Variants in METTL21A observed in about 807,000 individuals in gnomAD.
The protein encoded by METTL21A is methyltransferase 21A, HSPA lysine, also known as protein N-lysine methyltransferase METTL21A.
In METTL21A, 22 loss-of-function variants were observed where a neutral mutation model predicts 20.9. The ratio of observed to expected loss-of-function variants is 1.05; its 90% CI spans 0.75 to 1.50. METTL21A has a LOEUF of 1.50. METTL21A is among the 40% of genes most tolerant of loss of function. METTL21A has a pLI of 0.00. For missense variants in METTL21A, 271 were observed against 266.8 expected (o/e 1.02, Z -0.11); for synonymous variants, 93 against 102.0 (o/e 0.91, Z 0.53).
intron 3 of METTL21A, chr2:207,597,739 A>G (rs1053785544): frequency 1.8e-4 from 37 of 204,414 alleles, no homozygotes; most frequent in African/African-American, 8.5e-4. Context: ...TTCTTAATTC[A>G]GTTCTGTATG....
chr2:207,586,895 AG>A (rs1395089785), intron 3 of METTL21A, among the ~76,000 whole-genome samples: 3 of 152,352 alleles, frequency 2.0e-5, no homozygotes, highest in Non-Finnish European at 2.9e-5. Context: ...CAAACTGATG[AG>A]GATGCAGAGA....
At chr2:207,585,988 A>G (rs2083752908) in intron 3 of METTL21A, among the ~76,000 whole-genome samples, 2 of 152,188 alleles carry the variant, frequency 1.3e-5, no homozygotes, top group Admixed American at 6.5e-5. Context: ...ATGTCTTGAG[A>G]GAGAGATATA....
At chr2:207,624,385 A>G in exon 2 of METTL21A, 1 of 1,611,412 alleles carries the variant, frequency 6.2e-7, no homozygotes, top group Non-Finnish European at 8.5e-7. Flanking sequence ...TTCCGCCTGC[A>G]CCCCGCCCTC....
chr2:207,585,507 C>T (rs549806111), intron 3 of METTL21A, among the ~76,000 whole-genome samples: 1 of 152,180 alleles, frequency 6.6e-6, no homozygotes, highest in South Asian at 2.1e-4. Flanking sequence ...GATAAGGACA[C>T]AAGAAACATA....
At chr2:207,606,608 C>T (rs2088150888), downstream of METTL21A, among the ~76,000 whole-genome samples, 1 of 152,198 alleles carries the variant, frequency 6.6e-6, no homozygotes, top group Non-Finnish European at 1.5e-5. Context: ...ACTCACTGTA[C>T]TTACCAATTC....
chr2:207,614,862 C>T (rs911567390), intron 3 of METTL21A, among the ~76,000 whole-genome samples: 4 of 152,192 alleles, frequency 2.6e-5, no homozygotes, highest in Admixed American at 6.5e-5. Context: ...AATTATGTTT[C>T]AATCTTTCAT....
intron 3 of METTL21A, chr2:207,600,835 A>T (rs1466289250): frequency 4.8e-6 from 1 of 206,836 alleles, no homozygotes; most frequent in African/African-American, 2.3e-5. Flanking sequence ...TTTTGGGGTG[A>T]CATGTGGAAT....
intron 3 of METTL21A, chr2:207,620,525 G>A (rs1450946734): frequency 3.7e-6 from 2 of 534,812 alleles, no homozygotes; most frequent in African/African-American, 3.9e-5. Context: ...TTGAGTCCCA[G>A]ATCTCCAGTG....
At position 207,613,085 on chromosome 2, in the gene METTL21A, A is replaced by C. The variant is rs770567602; in HGVS notation, c.618T>G (p.Ile206Met). ...TCTGGTTTCTCTTCTGTGCTTCGTA[A>C]ATATGTACATCTTTTTCAGGATCGT... Residue 206 changes from isoleucine to methionine, a missense_variant, in exon 4 of 4, where the codon ATT becomes ATG. By Grantham distance (10) the Ile-to-Met change is conservative (BLOSUM62 1). Transcript: ENST00000406927. The C allele has an allele frequency of 2.5e-6, 4 of 1,589,196 alleles. No individual in the cohort carries two copies. In the South Asian group the frequency reaches 4.6e-5, roughly 18 times the overall value.
At chr2:207,620,195 G>A (rs2090320932) in intron 3 of METTL21A, among the ~76,000 whole-genome samples, 1 of 152,162 alleles carries the variant, frequency 6.6e-6, no homozygotes, top group Admixed American at 6.6e-5. Flanking sequence ...TGTAATCCCA[G>A]CACTTTGGGA....
chr2:207,603,372 A>G (rs1027618245), intron 3 of METTL21A: 1 of 224,844 alleles, frequency 4.4e-6, no homozygotes, highest in African/African-American at 2.2e-5. Flanking sequence ...ATCAACTGTC[A>G]TAATGCTCTT....
At chr2:207,604,392 C>T (rs1429742295), downstream of METTL21A, among the ~76,000 whole-genome samples, 1 of 152,178 alleles carries the variant, frequency 6.6e-6, no homozygotes, top group Non-Finnish European at 1.5e-5. Context: ...TAAGTGGTGC[C>T]ACTATCCATC....
At chr2:207,618,357 T>C in intron 3 of METTL21A, among the ~76,000 whole-genome samples, 1 of 152,202 alleles carries the variant, frequency 6.6e-6, no homozygotes, top group Non-Finnish European at 1.5e-5. Context: ...TAAGATGCTT[T>C]TTCCAATATG....
chr2:207,613,422 T>A (rs772429665), exon 4 of METTL21A: 40 of 1,597,260 alleles, frequency 2.5e-5, no homozygotes, highest in Non-Finnish European at 3.3e-5. Flanking sequence ...TACTTTTCGA[T>A]CCGTGATAGT....
intron 3 of METTL21A, among the ~76,000 whole-genome samples, chr2:207,620,109 T>A (rs2090306445): frequency 6.6e-6 from 1 of 152,144 alleles, no homozygotes; most frequent in African/African-American, 2.4e-5. Flanking sequence ...CCCCTTATAG[T>A]AACTCTTATA....
chr2:207,584,050 C>T (rs1461865855), intron 3 of METTL21A, among the ~76,000 whole-genome samples: 2 of 152,168 alleles, frequency 1.3e-5, no homozygotes, highest in African/African-American at 2.4e-5. Flanking sequence ...TATAGATATA[C>T]TGTGCTTTGT....
intron 3 of METTL21A, among the ~76,000 whole-genome samples, chr2:207,614,720 A>G (rs971287515): frequency 6.6e-6 from 1 of 152,126 alleles, no homozygotes; most frequent in Non-Finnish European, 1.5e-5. Context: ...TTTTGAACCA[A>G]TGTGGGTAAG....
rs921743643 is a variant in METTL21A, at chr2:207,585,077, G to A, written c.260-2917C>T. 2.6e-5 allele frequency among the ~76,000 whole-genome samples: 4 copies of A among 152,114 alleles called. No homozygotes were observed. In the East Asian group the frequency reaches 7.7e-4, roughly 29 times the overall value. On this transcript the variant is annotated intron_variant, in intron 3 of 3. Coordinates refer to the METTL21A transcript ENST00000425132. ...CATCATCTAGGGTGCCTGAGGATTG[G>A]TTGGTCCTGCCCACCAGCACCCACT...
chr2:207,588,755 G>T (rs1364245681), intron 3 of METTL21A, among the ~76,000 whole-genome samples: 1 of 150,250 alleles, frequency 6.7e-6, no homozygotes, highest in African/African-American at 2.5e-5. Flanking sequence ...GTGTGGGGGT[G>T]GGGGGACATG....
Sources: allele counts gnomAD v4.1 joint callset (sites outside exome capture counted in the v4.1 genomes callset), GRCh38; gene constraint gnomAD v4.1.1; transcripts MANE v1.5; gene names NCBI Gene and HGNC (gene_info 2026-07-23, HGNC 2026-07-21).